Variants in GAP43 observed in about 807,000 individuals in gnomAD.
The protein encoded by GAP43 is neuromodulin.
GAP43 carries 6 observed loss-of-function variants against 18.6 expected under a neutral mutation model. The observed-to-expected ratio is 0.32, with a 90% CI of 0.18 to 0.64. The LOEUF (loss-of-function observed/expected upper bound fraction) is 0.64, where lower values mean the gene tolerates loss of function less well. Ranked by LOEUF, GAP43 falls within the 30% of genes least tolerant of loss-of-function variation. The probability of loss-of-function intolerance (pLI) is 0.78; values close to 1 mark genes in which losing one functional copy is unlikely to be tolerated. For synonymous variants in GAP43, 115 were observed against 111.4 expected, an observed-to-expected ratio of 1.03 and a Z score of -0.20; for missense variants, 292 against 295.5, an observed-to-expected ratio of 0.99 and a Z score of 0.09.
At chr3:115,686,367 G>A (rs1190448441) in intron 2 of GAP43, among the ~76,000 whole-genome samples, 1 of 152,152 alleles carries the variant, frequency 6.6e-6, no homozygotes, top group East Asian at 1.9e-4. Context: ...GTTGAGCATT[G>A]TACACTTGCT....
intron 2 of GAP43, among the ~76,000 whole-genome samples, chr3:115,685,134 A>C (rs1709016929): frequency 6.6e-6 from 1 of 152,250 alleles, no homozygotes; most frequent in African/African-American, 2.4e-5. Context: ...TGGAAAGTTT[A>C]GTGTTACTCA....
intron 2 of GAP43, among the ~76,000 whole-genome samples, chr3:115,677,781 A>C (rs77554196): frequency 6.6e-6 from 1 of 152,186 alleles, no homozygotes; most frequent in Non-Finnish European, 1.5e-5. Context: ...ACTCCATGAG[A>C]GTGGTCTGAG....
rs377001797 is a variant in GAP43 at position 115,676,246 on chromosome 3, C to T, written c.264C>T (p.Ala88=). Reference sequence around the variant, plus strand: ...AGAAGGGAGAAGGCACCACTACTGCCGAAGCAGCCCCAGCCACTGGCTCCA... The same window carrying T: ...AGAAGGGAGAAGGCACCACTACTGCTGAAGCAGCCCCAGCCACTGGCTCCA... ...VEKKGEGTTT[A]EAAPATGSKP... Residue 88 remains alanine, a synonymous_variant, in exon 2 of 3, where the codon GCC becomes GCT. Coordinates refer to ENST00000305124, the MANE Select transcript of GAP43 (RefSeq NM_002045.4). The T allele has an allele frequency of 1.2e-5, 20 of 1,613,958 alleles. 1 individual carries two copies. Among genetic ancestry groups the T allele is most frequent in the Admixed American group, 8.3e-5 (5 of 59,990 alleles).
intron 1 of GAP43, among the ~76,000 whole-genome samples, chr3:115,657,347 T>C (rs78275286): frequency 0.052 from 7,942 of 152,274 alleles, 655 homozygotes; most frequent in African/African-American, 0.18. Context: ...GGTGAGATTT[T>C]GTTCAACTAC....
chr3:115,663,846 G>A lies in GAP43; in HGVS notation c.31-12167G>A, dbSNP rs1576986894. On this transcript the variant is annotated intron_variant, in intron 1 of 2. Coordinates refer to ENST00000305124, the MANE Select transcript of GAP43 (RefSeq NM_002045.4). ...TTTTTACCTTGCCTGGGAGGCTTGA[G>A]GAAAAATCTTCAGAGAGCAGTTCGA... The A allele has an allele frequency of 6.4e-7, 1 of 1,552,014 alleles. No individual in the cohort carries two copies.
chr3:115,690,903 C>G (rs1405537190), intron 2 of GAP43, among the ~76,000 whole-genome samples: 1 of 151,802 alleles, frequency 6.6e-6, no homozygotes, highest in Non-Finnish European at 1.5e-5. Context: ...CTACAGGCAC[C>G]CGCCACCATG....
At position 115,676,159 on chromosome 3, in the gene GAP43, C is replaced by T. The variant is rs758751303; in HGVS notation, c.177C>T (p.Val59=). Reference sequence around the variant, plus strand: ...TCAAAGGAGAGAAGAAGGATGATGTCCAAGCTGCTGAGGCTGAAGCTAATA... The same window carrying T: ...TCAAAGGAGAGAAGAAGGATGATGTTCAAGCTGCTGAGGCTGAAGCTAATA... ...KKLKGEKKDD[V]QAAEAEANKK... is the part of the protein sequence containing the mutation. The change falls in exon 2 of 3, where the codon GTC becomes GTT. Residue 59 remains valine (V), a synonymous_variant. Transcript: ENST00000305124. 85 of 1,614,012 alleles carry T rather than the reference C, an allele frequency of 5.3e-5. No homozygotes were observed. The South Asian group carries it at 8.3e-4, about 16-fold the overall frequency.
chr3:115,654,405 T>C (rs1287988796), intron 1 of GAP43, among the ~76,000 whole-genome samples: 1 of 152,184 alleles, frequency 6.6e-6, no homozygotes, highest in Non-Finnish European at 1.5e-5. Context: ...CCCCAGCTCA[T>C]CCCAGGAAGA....
At chr3:115,702,800 TAA>T (rs1230871018) in intron 2 of GAP43, among the ~76,000 whole-genome samples, 1 of 152,144 alleles carries the variant, frequency 6.6e-6, no homozygotes, top group Non-Finnish European at 1.5e-5. Context: ...AATGGAAAGT[TAA>T]GAGTATCTGT....
At chr3:115,624,908 T>TGTGGTGGGGGC (rs1408903955) in intron 1 of GAP43, among the ~76,000 whole-genome samples, 2 of 128,840 alleles carry the variant, frequency 1.6e-5, no homozygotes, top group African/African-American at 5.9e-5. Flanking sequence ...GGGGTGGGGG[T>TGTGGTGGGGGC]GTGGTGGGGG....
chr3:115,687,306 C>T (rs1457347933), intron 2 of GAP43, among the ~76,000 whole-genome samples: 4 of 152,170 alleles, frequency 2.6e-5, no homozygotes, highest in Non-Finnish European at 5.9e-5. Context: ...TGGATAACTG[C>T]ACCCATATTG....
At chr3:115,694,320 A>T (rs1048928505) in intron 2 of GAP43, among the ~76,000 whole-genome samples, 1 of 152,226 alleles carries the variant, frequency 6.6e-6, no homozygotes, top group Non-Finnish European at 1.5e-5. Flanking sequence ...GGCTTTCCTC[A>T]CAAAGACAAT....
chr3:115,676,176 A>C lies in GAP43; in HGVS notation c.194A>C (p.Glu65Ala). 1 of 1,614,226 alleles carries C rather than the reference A, an allele frequency of 6.2e-7. No homozygotes were observed. The highest frequency in any genetic ancestry group is 8.5e-7 in the Non-Finnish European group (1 of 1,180,034). ...KKDDVQAAEA[E>A]ANKKDEAPVA... ...GATGATGTCCAAGCTGCTGAGGCTG[A>C]AGCTAATAAGAAGGATGAAGCCCCT... is the stretch of plus-strand genomic sequence containing the variant. The change falls in exon 2 of 3, where the codon GAA becomes GCA. Residue 65 changes from glutamate (E) to alanine (A), a missense_variant. By Grantham distance (107) the Glu-to-Ala change is moderately radical. Transcript: ENST00000305124.
At chr3:115,641,352 GTGTA>G (rs1708392817) in intron 1 of GAP43, among the ~76,000 whole-genome samples, 1 of 151,538 alleles carries the variant, frequency 6.6e-6, no homozygotes, top group African/African-American at 2.4e-5. Context: ...GTGCGTGCAC[GTGTA>G]TGTGTGTACA....
intron 2 of GAP43, among the ~76,000 whole-genome samples, chr3:115,704,752 A>C (rs1055800397): frequency 2.6e-5 from 4 of 152,104 alleles, no homozygotes; most frequent in Non-Finnish European, 5.9e-5. Context: ...AGGCTATGAA[A>C]GGCAATATGA....
At chr3:115,707,428 G>A (rs531530490) in intron 2 of GAP43, among the ~76,000 whole-genome samples, 18 of 151,954 alleles carry the variant, frequency 1.2e-4, no homozygotes, top group African/African-American at 3.9e-4. Context: ...TAGCTGGGAT[G>A]ACAGGTACAT....
At chr3:115,687,977 TC>T (rs1193978235) in intron 2 of GAP43, among the ~76,000 whole-genome samples, 1 of 151,762 alleles carries the variant, frequency 6.6e-6, no homozygotes, top group Non-Finnish European at 1.5e-5. Context: ...TTTGAGTGAC[TC>T]ACCCAGGGTT....
Position 115,675,995 on chromosome 3 carries a change from C to A in GAP43, c.31-18C>A. 1 of 1,580,732 alleles carries A rather than the reference C, an allele frequency of 6.3e-7. No homozygotes were observed. The highest frequency in any genetic ancestry group is 1.2e-5 in the South Asian group (1 of 84,150). On this transcript the variant is annotated intron_variant, in intron 1 of 2. Coordinates refer to ENST00000305124, the MANE Select transcript of GAP43 (RefSeq NM_002045.4). ...ATGTCATTGAAGCCCTCTCTTTTCC[C>A]TTCTTTTCTCGACAAAGGTTGAAAA...
intron 1 of GAP43, among the ~76,000 whole-genome samples, chr3:115,666,892 T>C (rs1011763104): frequency 1.3e-5 from 2 of 152,196 alleles, no homozygotes; most frequent in African/African-American, 4.8e-5. Context: ...GATGTGTTCC[T>C]CACATGATCA....
Sources: gnomAD v4.1 joint callset for allele counts (sites outside exome capture counted in the v4.1 genomes callset) on GRCh38, gnomAD v4.1.1 for gene constraint, MANE v1.5 for transcripts, NCBI Gene and HGNC (gene_info 2026-07-23, HGNC 2026-07-21) for gene names.